The following CLPSL1 variants were observed in gnomAD, a reference collection of about 807,000 sequenced individuals.
CLPSL1 encodes the protein colipase-like protein 1.
In CLPSL1, 13 loss-of-function variants were observed where a neutral mutation model predicts 9.3. That is an observed-to-expected ratio of 1.40 (90% CI 0.91 to 2.22). The LOEUF (loss-of-function observed/expected upper bound fraction) is 2.22. Among genes scored for constraint, CLPSL1 ranks in the 30% most tolerant of loss-of-function variants. The probability of loss-of-function intolerance (pLI) is 0.00; values close to 1 mark genes in which losing one functional copy is unlikely to be tolerated. For missense variants in CLPSL1, 164 were observed against 146.6 expected, an observed-to-expected ratio of 1.12 and a Z score of -0.61; for synonymous variants, 58 against 56.9, an observed-to-expected ratio of 1.02 and a Z score of -0.08.
rs529339762 is a variant in CLPSL1 at position 35,781,060 on chromosome 6, C to T, written c.-51C>T. The stretch of plus-strand genomic sequence containing the variant: ...GCTGGGAGGACACCCACATGGTCGG[C>T]GTGCAGGATATTTCGCTGGACCCTA... On this transcript the variant is annotated 5_prime_UTR_variant, in exon 1 of 3. Coordinates refer to ENST00000373861, the MANE Select transcript of CLPSL1 (RefSeq NM_001010886.5). 4.7e-5 allele frequency: 75 copies of T among 1,603,614 alleles called. 1 individual carries two copies. The East Asian group carries it at 8.9e-4, about 19-fold the overall frequency.
intron 1 of CLPSL1, among the ~76,000 whole-genome samples, chr6:35,782,277 T>C (rs1767980488): frequency 6.6e-6 from 1 of 152,086 alleles, no homozygotes; most frequent in Non-Finnish European, 1.5e-5. Context: ...GTGGAAATCA[T>C]GGGAGATGAG....
rs1182391074 is a variant in CLPSL1 at position 35,788,150 on chromosome 6, G to T, written c.*140G>T. The T allele has an allele frequency of 4.1e-6, 2 of 482,746 alleles. No individual in the cohort carries two copies. Among genetic ancestry groups the T allele is most frequent in the Admixed American group, 2.3e-5 (1 of 42,990 alleles). The allele number at this position is 482,746 out of a possible 1,614,324, so 29.9% of individuals were successfully genotyped here. On this transcript the variant is annotated 3_prime_UTR_variant, in exon 3 of 3. Transcript: ENST00000373861. ...GATTGAAATAAAGAGCTTTTTCAAT[G>T]TTTGCTGCCCACAGAGTTGGGGCCT... is the stretch of plus-strand genomic sequence containing the variant.
At chr6:35,784,283 G>C (rs1048466941) in intron 1 of CLPSL1, among the ~76,000 whole-genome samples, 30 of 152,108 alleles carry the variant, frequency 2.0e-4, no homozygotes, top group African/African-American at 7.0e-4. Context: ...TTAAGATAAG[G>C]GGTTGAGGAG....
At chr6:35,793,474 TC>T (rs1227841809) in intron 1 of CLPSL1, 8 of 469,858 alleles carry the variant, frequency 1.7e-5, no homozygotes, top group Non-Finnish European at 3.5e-5. Context: ...CTGCTCCTTC[TC>T]CCGCCTTCCC....
At chr6:35,790,233 G>A (rs1768160498), downstream of CLPSL1, among the ~76,000 whole-genome samples, 1 of 152,236 alleles carries the variant, frequency 6.6e-6, no homozygotes, top group African/African-American at 2.4e-5. Flanking sequence ...GTGCCCGGCT[G>A]AAATTTCACT....
downstream of CLPSL1, among the ~76,000 whole-genome samples, chr6:35,788,526 G>A (rs532202742): frequency 5.9e-5 from 9 of 152,392 alleles, no homozygotes; most frequent in African/African-American, 2.2e-4. Context: ...GCTGCCTTAT[G>A]CACATGATCT....
chr6:35,791,022 G>A (rs1768174859), downstream of CLPSL1, among the ~76,000 whole-genome samples: 1 of 150,946 alleles, frequency 6.6e-6, no homozygotes, highest in Admixed American at 6.6e-5. Context: ...TCCAGCCTGG[G>A]TGACAGAGCA....
intron 1 of CLPSL1, 141 bp downstream of exon 1, chr6:35,781,350 T>G: frequency 7.6e-7 from 1 of 1,315,796 alleles, no homozygotes; most frequent in Non-Finnish European, 1.0e-6. Context: ...GGAAGATGTC[T>G]CGGAGGAAAG....
At chr6:35,793,104 G>A (rs537163699), downstream of CLPSL1, among the ~76,000 whole-genome samples, 179 of 152,330 alleles carry the variant, frequency 1.2e-3, 1 homozygote, top group Middle Eastern at 0.01. Flanking sequence ...AAGAGAAGTC[G>A]GCCTTGAGGA....
In CLPSL1 at chr6:35,787,907, A is replaced by G; in HGVS notation, c.263A>G (p.Asn88Ser). 6.2e-7 allele frequency: 1 copy of G among 1,609,008 alleles called. No homozygotes were observed. Among genetic ancestry groups the G allele is most frequent in the Non-Finnish European group, 8.5e-7 (1 of 1,175,402 alleles). ...GQYRACPCLR[N>S]LTCIYSKNEK... ...TATAGAGCGTGTCCCTGCCTGCGGA[A>G]CCTGACTTGTATATATTCAAAGAAT... The change falls in exon 3 of 3, where the codon AAC becomes AGC. Residue 88 changes from asparagine to serine, a missense_variant. By Grantham distance (46) the Asn-to-Ser change is conservative (BLOSUM62 1). Transcript: ENST00000373861.
downstream of CLPSL1, among the ~76,000 whole-genome samples, chr6:35,793,989 C>G (rs942915968): frequency 6.6e-6 from 1 of 152,220 alleles, no homozygotes; most frequent in Admixed American, 6.5e-5. Flanking sequence ...CAGTTTCCAC[C>G]CATTTTTCTT....
chr6:35,789,706 C>T (rs1581956085), downstream of CLPSL1, among the ~76,000 whole-genome samples: 1 of 152,350 alleles, frequency 6.6e-6, no homozygotes, highest in East Asian at 1.9e-4. Flanking sequence ...CCAGCCTGGC[C>T]ATCATGGTGA....
At chr6:35,792,976 A>G (rs545005564), downstream of CLPSL1, among the ~76,000 whole-genome samples, 31 of 152,374 alleles carry the variant, frequency 2.0e-4, no homozygotes, top group East Asian at 5.2e-3. Flanking sequence ...CTGAAACCCA[A>G]TATTGTTTGG....
At chr6:35,791,245 T>C (rs1449294758), downstream of CLPSL1, among the ~76,000 whole-genome samples, 6 of 152,258 alleles carry the variant, frequency 3.9e-5, no homozygotes, top group Non-Finnish European at 7.3e-5. Context: ...AAAGTACAGA[T>C]GCTCCTTGAC....
At chr6:35,781,230 A>C in intron 1 of CLPSL1, 21 bp downstream of exon 1, 1 of 1,611,608 alleles carries the variant, frequency 6.2e-7, no homozygotes, top group South Asian at 1.1e-5. Context: ...TGGAGAGTGC[A>C]GTCACCTCCC....
At chr6:35,783,668 C>T (rs959254001) in intron 1 of CLPSL1, among the ~76,000 whole-genome samples, 4 of 149,900 alleles carry the variant, frequency 2.7e-5, no homozygotes, top group African/African-American at 4.9e-5. Context: ...ATTAGCTGTG[C>T]GTGGTGGCGG....
chr6:35,791,407 G>C (rs1268752217), downstream of CLPSL1, among the ~76,000 whole-genome samples: 1 of 152,162 alleles, frequency 6.6e-6, no homozygotes, highest in Admixed American at 6.5e-5. Context: ...TCAGGAGTTC[G>C]AGACCAGCCT....
downstream of CLPSL1, chr6:35,793,749 T>C (rs969043868): frequency 6.0e-5 from 22 of 368,616 alleles, no homozygotes; most frequent in Admixed American, 1.7e-4. Context: ...GGAGGATTCA[T>C]TGATCACAGA....
At chr6:35,789,047 C>T (rs912609998), downstream of CLPSL1, among the ~76,000 whole-genome samples, 35 of 152,234 alleles carry the variant, frequency 2.3e-4, no homozygotes, top group Non-Finnish European at 4.9e-4. Context: ...CATAGCAAAA[C>T]GATGTGAACC....
Sources: gnomAD v4.1 joint callset for allele counts (sites outside exome capture counted in the v4.1 genomes callset) on GRCh38, gnomAD v4.1.1 for gene constraint, MANE v1.5 for transcripts, NCBI Gene and HGNC (gene_info 2026-07-23, HGNC 2026-07-21) for gene names.